The following CRISPLD2 variants were observed in gnomAD, a reference collection of about 807,000 sequenced individuals.
The protein encoded by CRISPLD2 is cysteine rich secretory protein LCCL domain containing 2, also known as cysteine-rich secretory protein LCCL domain-containing 2.
A neutral mutation model predicts 71.1 loss-of-function variants in CRISPLD2; 47 were observed. The ratio of observed to expected loss-of-function variants is 0.66; its 90% CI spans 0.52 to 0.84. The LOEUF (loss-of-function observed/expected upper bound fraction) is 0.84. Ranked by LOEUF, CRISPLD2 falls within the 40% of genes least tolerant of loss-of-function variation. The pLI is 0.00. For missense variants in CRISPLD2, 830 were observed against 651.1 expected, an observed-to-expected ratio of 1.27 and a Z score of -2.99; for synonymous variants, 317 against 250.1, an observed-to-expected ratio of 1.27 and a Z score of -2.52.
chr16:84,880,808 C>T (rs181379936), intron 13 of CRISPLD2: 3 of 368,098 alleles, frequency 8.1e-6, no homozygotes, highest in African/African-American at 4.1e-5. Flanking sequence ...CAGGTTCAAA[C>T]GATTCTTGTA....
intron 1 of CRISPLD2, 56 bp from the exon 2 acceptor site, chr16:84,838,366 G>T (rs940494174): frequency 1.8e-6 from 2 of 1,114,846 alleles, no homozygotes; most frequent in Non-Finnish European, 2.6e-6. Flanking sequence ...TCCAGCCAGC[G>T]CTGTGACCGG....
intron 2 of CRISPLD2, 125 bp from the exon 3 acceptor site, chr16:84,845,661 A>C: frequency 1.4e-6 from 1 of 708,898 alleles, no homozygotes; most frequent in Admixed American, 2.4e-5. Context: ...GGAACCCAGC[A>C]ATACAGCAGC....
intron 2 of CRISPLD2, among the ~76,000 whole-genome samples, chr16:84,841,572 G>A (rs1916772111): frequency 6.6e-6 from 1 of 151,802 alleles, no homozygotes; most frequent in Admixed American, 6.6e-5. Flanking sequence ...GTTTTTTTGC[G>A]GGAGAGGATG....
At chr16:84,847,591 C>T (rs376271216) in intron 3 of CRISPLD2, among the ~76,000 whole-genome samples, 1 of 151,084 alleles carries the variant, frequency 6.6e-6, no homozygotes, top group African/African-American at 2.4e-5. Flanking sequence ...GCGGAGGCTG[C>T]AGTGAGCCAG....
intron 9 of CRISPLD2, 41 bp from the exon 10 acceptor site, chr16:84,872,951 G>T: frequency 6.3e-7 from 1 of 1,575,892 alleles, no homozygotes; most frequent in Non-Finnish European, 8.6e-7. Context: ...GCTGACAGAG[G>T]TTGAGAATGT....
At chr16:84,856,411 C>T (rs187156293) in intron 6 of CRISPLD2, among the ~76,000 whole-genome samples, 2 of 152,294 alleles carry the variant, frequency 1.3e-5, no homozygotes, top group Admixed American at 1.3e-4. Context: ...CCAAAGTGTC[C>T]AGGTGGCAAC....
intron 3 of CRISPLD2, 188 bp from the exon 4 acceptor site, chr16:84,849,197 C>T (rs1249759078): frequency 2.2e-5 from 13 of 589,368 alleles, no homozygotes; most frequent in Non-Finnish European, 3.3e-5. Flanking sequence ...CCCGTGGCTG[C>T]TCCTGGAATT....
At chr16:84,875,414 C>CTTTTTTTTTTTTTTTTTTTTTTTT (rs34028519) in intron 11 of CRISPLD2, among the ~76,000 whole-genome samples, 1 of 87,784 alleles carries the variant, frequency 1.1e-5, no homozygotes, top group African/African-American at 5.6e-5. Flanking sequence ...TATGCATGGA[C>CTTTTTTTTTTTTTTTTTTTTTTTT]TTTTTTTTTT....
chr16:84,843,985 G>A (rs1026492505), intron 2 of CRISPLD2, among the ~76,000 whole-genome samples: 3 of 152,222 alleles, frequency 2.0e-5, no homozygotes, highest in African/African-American at 7.2e-5. Context: ...GGCTAAGACA[G>A]GACTGTCTTC....
Position 84,838,679 on chromosome 16 carries a change from C to T in CRISPLD2, c.184C>T (p.Leu62=). Residue 62 remains leucine, a synonymous_variant, in exon 2 of 15, where the codon CTG becomes TTG. Coordinates refer to ENST00000262424, the MANE Select transcript of CRISPLD2 (RefSeq NM_031476.4). The part of the protein sequence containing the change: ...PREDKEEILM[L]HNKLRGQVQP... ...GGAGGACAAGGAGGAGATCCTCATGCTGCACAACAAGCTTCGGGGCCAGGT... is the reference window on the plus strand; with the variant it reads ...GGAGGACAAGGAGGAGATCCTCATGTTGCACAACAAGCTTCGGGGCCAGGT... 2.5e-6 allele frequency: 4 copies of T among 1,614,216 alleles called. No individual in the cohort carries two copies. Among genetic ancestry groups the T allele is most frequent in the Non-Finnish European group, 3.4e-6 (4 of 1,180,046 alleles).
At chr16:84,836,020 G>C (rs2143165311) in intron 1 of CRISPLD2, among the ~76,000 whole-genome samples, 1 of 152,314 alleles carries the variant, frequency 6.6e-6, no homozygotes, top group East Asian at 1.9e-4. Context: ...GAAGCCACGT[G>C]TGGAAAATTC....
intron 14 of CRISPLD2, among the ~76,000 whole-genome samples, chr16:84,896,317 G>A (rs1213374902): frequency 6.6e-6 from 1 of 152,026 alleles, no homozygotes; most frequent in African/African-American, 2.4e-5. Flanking sequence ...CCAAAGTGCT[G>A]GGAGTACAGG....
intron 7 of CRISPLD2, 117 bp from the exon 8 acceptor site, chr16:84,868,734 C>G (rs1056196441): frequency 1.5e-5 from 13 of 854,188 alleles, no homozygotes; most frequent in Non-Finnish European, 2.5e-5. Flanking sequence ...TGCCCTTGCT[C>G]TTAGTATAGC....
chr16:84,844,864 T>C (rs963328728), intron 2 of CRISPLD2, among the ~76,000 whole-genome samples: 1 of 152,148 alleles, frequency 6.6e-6, no homozygotes, highest in African/African-American at 2.4e-5. Flanking sequence ...CTGGGCATCT[T>C]GTAGGCTTCC....
intron 2 of CRISPLD2, among the ~76,000 whole-genome samples, chr16:84,840,801 G>A (rs530954325): frequency 3.3e-5 from 5 of 152,104 alleles, no homozygotes; most frequent in South Asian, 4.2e-4. Context: ...CTCAGCCTCC[G>A]ACAGTGCTGG....
intron 8 of CRISPLD2, among the ~76,000 whole-genome samples, 176 bp downstream of exon 8, chr16:84,869,087 C>T (rs191801243): frequency 1.3e-5 from 2 of 152,320 alleles, no homozygotes; most frequent in Non-Finnish European, 2.9e-5. Flanking sequence ...GTGTTCGCCT[C>T]GGCCGTTGGC....
intron 1 of CRISPLD2, among the ~76,000 whole-genome samples, chr16:84,837,399 A>G (rs1251383094): frequency 4.7e-5 from 7 of 148,672 alleles, no homozygotes; most frequent in Non-Finnish European, 1.0e-4. Context: ...TTGTCACCAC[A>G]CTAAGCCATA....
intron 5 of CRISPLD2, among the ~76,000 whole-genome samples, chr16:84,851,541 G>C (rs935716957): frequency 3.3e-5 from 5 of 152,234 alleles, no homozygotes; most frequent in Admixed American, 3.3e-4. Flanking sequence ...ATGAAAAGGT[G>C]GGATGAAGGG....
At chr16:84,876,207 A>G (rs2071516861) in intron 11 of CRISPLD2, among the ~76,000 whole-genome samples, 1 of 152,178 alleles carries the variant, frequency 6.6e-6, no homozygotes, top group Non-Finnish European at 1.5e-5. Context: ...GTCCTTTAAG[A>G]AAAAGTTTAC....
Sources: allele counts gnomAD v4.1 joint callset (sites outside exome capture counted in the v4.1 genomes callset), GRCh38; gene constraint gnomAD v4.1.1; transcripts MANE v1.5; gene names NCBI Gene and HGNC (gene_info 2026-07-23, HGNC 2026-07-21).